Variants in GPI observed in about 807,000 individuals in gnomAD.
GPI encodes D-hexose-6-phosphate anomerase.
Under a neutral mutation model 75.8 loss-of-function variants are expected in GPI, and 56 were observed. The ratio of observed to expected loss-of-function variants is 0.74; its 90% CI spans 0.60 to 0.92. The LOEUF is 0.92. Ranked by LOEUF, GPI falls within the 40% of genes least tolerant of loss-of-function variation. The pLI is 0.00. For synonymous variants in GPI, 288 were observed against 285.4 expected (o/e 1.01, Z -0.09); for missense variants, 638 against 741.0 (o/e 0.86, Z 1.61).
At chr19:34,378,070 G>A (rs1465639704) in intron 6 of GPI, among the ~76,000 whole-genome samples, 189 bp downstream of exon 6, 1 of 152,218 alleles carries the variant, frequency 6.6e-6, no homozygotes, top group Non-Finnish European at 1.5e-5. Context: ...GTTGACTGAT[G>A]AAATCCTGAA....
Position 34,365,217 on chromosome 19 carries a change from C to T in GPI, c.-50C>T, listed in dbSNP as rs768741049. The T allele has an allele frequency of 4.9e-6, 7 of 1,420,920 alleles. No homozygotes were observed. The highest frequency in any genetic ancestry group is 4.6e-5 in the Admixed American group (2 of 43,650). 88.0% of individuals were successfully genotyped at this position (1,420,920 alleles called of 1,614,324 possible). A position where few individuals can be genotyped will look rare whatever the true frequency, so the allele number is the denominator to read the frequency against. On this transcript the variant is annotated 5_prime_UTR_variant, in exon 1 of 18. Transcript: ENST00000356487. ...CCTCGCTTGCTGCGCGCTGCCGGCG[C>T]TCCTTCCTCCTCGGCTCGCGTCTCA...
intron 9 of GPI, among the ~76,000 whole-genome samples, chr19:34,388,853 TTCGGGAGGCTGAG>T (rs1305022077): frequency 1.3e-5 from 2 of 151,950 alleles, no homozygotes; most frequent in African/African-American, 4.8e-5. Flanking sequence ...ATCCCTGAGC[TTCGGGAGGCTGAG>T]ATGGGAGGCT....
intron 6 of GPI, among the ~76,000 whole-genome samples, chr19:34,378,467 T>G (rs1444719683): frequency 1.3e-5 from 2 of 152,076 alleles, no homozygotes; most frequent in African/African-American, 4.8e-5. Context: ...CACCCCCCCT[T>G]GGCCTCCCAA....
intron 1 of GPI, chr19:34,365,813 C>T (rs1329219259): frequency 8.5e-6 from 4 of 471,814 alleles, no homozygotes; most frequent in Admixed American, 7.0e-5. Context: ...GCAGCCCGGG[C>T]GGGGGTGTTT....
At position 34,393,332 on chromosome 19, in the gene GPI, A is replaced by T. The variant is rs762572293; in HGVS notation, c.865+24A>T. Reference sequence around the variant, plus strand: ...GGGTGAGTGTGTTTCTGTGTCTTGCAGCCCCTGTGGGAGACAGTGTTGCAG... The same window carrying T: ...GGGTGAGTGTGTTTCTGTGTCTTGCTGCCCCTGTGGGAGACAGTGTTGCAG... On this transcript the variant is annotated intron_variant, in intron 10 of 17. Transcript: ENST00000356487. The surrounding 1 kb of genome is among the most constrained non-coding windows in gnomAD (Gnocchi z 4.4). 5.7e-6 allele frequency: 9 copies of T among 1,591,718 alleles called. No individual in the cohort carries two copies. The highest frequency in any genetic ancestry group is 1.7e-5 in the Admixed American group (1 of 59,976).
chr19:34,373,016 T>A (rs12981485), intron 4 of GPI, among the ~76,000 whole-genome samples: 151,996 of 151,996 alleles, frequency 1, 75,998 homozygotes, highest in Non-Finnish European at 1. Flanking sequence ...TCATAATCTG[T>A]CCACCTCAGC....
At chr19:34,388,549 G>C (rs2074774461) in intron 9 of GPI, among the ~76,000 whole-genome samples, 1 of 152,166 alleles carries the variant, frequency 6.6e-6, no homozygotes, top group South Asian at 2.1e-4. Context: ...TGGGGCACTG[G>C]GGCAGGTTAG....
chr19:34,379,571 C>T lies in GPI; in HGVS notation c.750+9C>T. On this transcript the variant is annotated intron_variant, in intron 8 of 17. Transcript: ENST00000356487. ...CCCTGTCTACTAACACAGTAAGTGC[C>T]CCCGTGGTCCCCTGTACTGCCTTCC... 6.2e-7 allele frequency: 1 copy of T among 1,610,094 alleles called. No individual in the cohort carries two copies. The highest frequency in any genetic ancestry group is 1.3e-5 in the African/African-American group (1 of 74,962).
chr19:34,375,317 A>ATT (rs879659233), intron 4 of GPI, among the ~76,000 whole-genome samples: 1 of 143,704 alleles, frequency 7.0e-6, no homozygotes, highest in Non-Finnish European at 1.5e-5. Flanking sequence ...TAATTTTTGT[A>ATT]TTTTTTTTTT....
chr19:34,365,344 G>C lies in GPI; in HGVS notation c.78G>C (p.Leu26=). ...GCGAGCACCGCTCCGAGCTGAACCT[G>C]CGCCGCCTCTTCGATGCCAACAAGG... The part of the protein sequence containing the change: ...WYREHRSELN[L]RRLFDANKDR... The change falls in exon 1 of 18, where the codon CTG becomes CTC. Residue 26 remains leucine, a synonymous_variant. Coordinates refer to ENST00000356487, the MANE Select transcript of GPI (RefSeq NM_000175.5). The C allele has an allele frequency of 6.3e-7, 1 of 1,591,416 alleles. No individual in the cohort carries two copies. The highest frequency in any genetic ancestry group is 8.5e-7 in the Non-Finnish European group (1 of 1,170,904).
At chr19:34,375,132 A>G (rs1198365730) in intron 4 of GPI, among the ~76,000 whole-genome samples, 1 of 145,788 alleles carries the variant, frequency 6.9e-6, no homozygotes, top group Non-Finnish European at 1.5e-5. Flanking sequence ...CTTGGGTTAA[A>G]ACAGCAATAC....
At position 34,400,397 on chromosome 19, in the gene GPI, CT is replaced by C. The variant is rs1303935859; in HGVS notation, c.*362del. 1.7e-6 allele frequency: 1 copy of C among 594,756 alleles called. No individual in the cohort carries two copies. Among genetic ancestry groups the C allele is most frequent in the Non-Finnish European group, 3.0e-6 (1 of 335,760 alleles). The allele number at this position is 594,756 out of a possible 1,614,324, so 36.8% of individuals were successfully genotyped here. ...CTTTATGTAGCAGAGGGCAGGAGCG[CT>C]CAGCAGGACGCAGGCTGTGCCTCTG... On this transcript the variant is annotated 3_prime_UTR_variant, in exon 18 of 18. Coordinates refer to ENST00000356487, the MANE Select transcript of GPI (RefSeq NM_000175.5).
chr19:34,366,648 A>G, intron 2 of GPI, 135 bp from the exon 3 acceptor site: 1 of 775,608 alleles, frequency 1.3e-6, no homozygotes, highest in Non-Finnish European at 2.3e-6. Context: ...GACCCTTCCC[A>G]GACAGCAGGG....
intron 12 of GPI, among the ~76,000 whole-genome samples, chr19:34,394,939 C>T (rs1269398645): frequency 6.6e-6 from 1 of 152,052 alleles, no homozygotes; most frequent in Admixed American, 6.6e-5. Context: ...GTTTCGAACT[C>T]CTGGCCTCAA....
At chr19:34,361,437 GGGTA>G (rs1334751098), upstream of GPI, among the ~76,000 whole-genome samples, 1 of 152,080 alleles carries the variant, frequency 6.6e-6, no homozygotes, top group Admixed American at 6.6e-5. Context: ...GAGGACAACA[GGGTA>G]TCCTTCATAG....
chr19:34,381,541 C>T, intron 9 of GPI, 22 bp downstream of exon 9: 2 of 1,550,132 alleles, frequency 1.3e-6, no homozygotes, highest in Non-Finnish European at 8.9e-7. Flanking sequence ...CACTTCTGCA[C>T]TGGGTGAATT....
chr19:34,399,147 T>A, intron 14 of GPI, 60 bp from the exon 15 acceptor site: 2 of 1,567,016 alleles, frequency 1.3e-6, no homozygotes. Context: ...CAGGCGGTCT[T>A]GTCCCTCTGC....
upstream of GPI, among the ~76,000 whole-genome samples, chr19:34,361,830 A>G (rs963142357): frequency 1.3e-5 from 2 of 152,004 alleles, no homozygotes; most frequent in African/African-American, 4.8e-5. Context: ...AAAATACAAA[A>G]ATTAGGCCGG....
intron 7 of GPI, 127 bp downstream of exon 7, chr19:34,379,132 C>T: frequency 1.2e-6 from 1 of 815,798 alleles, no homozygotes; most frequent in Non-Finnish European, 2.2e-6. Flanking sequence ...TTGCCGGTGC[C>T]TGCCTTTGCT....
Sources: allele counts gnomAD v4.1 joint callset (sites outside exome capture counted in the v4.1 genomes callset), GRCh38; gene constraint gnomAD v4.1.1; non-coding constraint Gnocchi (gnomAD v3.1); transcripts MANE v1.5; gene names NCBI Gene and HGNC (gene_info 2026-07-23, HGNC 2026-07-21).